Variants in FILIP1L observed in about 807,000 individuals in gnomAD.
The protein encoded by FILIP1L is filamin A-interacting protein 1-like.
A neutral mutation model predicts 96.6 loss-of-function variants in FILIP1L; 55 were observed. That is an observed-to-expected ratio of 0.57 (90% confidence interval 0.46 to 0.71). FILIP1L has a LOEUF of 0.71. Among genes scored for constraint, FILIP1L ranks in the 30% least tolerant of loss-of-function variants. FILIP1L has a pLI of 0.00. For synonymous variants in FILIP1L, 467 were observed against 473.9 expected, an observed-to-expected ratio of 0.99 and a Z score of 0.19; for missense variants, 1,304 against 1,321.2, an observed-to-expected ratio of 0.99 and a Z score of 0.20.
chr3:99,929,764 G>A (rs1032928391), intron 3 of FILIP1L, 92 bp downstream of exon 3: 8 of 909,712 alleles, frequency 8.8e-6, no homozygotes, highest in Non-Finnish European at 1.3e-5. Flanking sequence ...AAGTAAAACT[G>A]TAAGGAATCA....
intron 1 of FILIP1L, among the ~76,000 whole-genome samples, chr3:99,952,881 A>G (rs1271087991): frequency 6.6e-6 from 1 of 152,210 alleles, no homozygotes; most frequent in East Asian, 1.9e-4. Flanking sequence ...GCATAATGAA[A>G]AAAAGAATGC....
At chr3:100,081,985 A>G (rs775209908) in intron 1 of FILIP1L, among the ~76,000 whole-genome samples, 5 of 152,192 alleles carry the variant, frequency 3.3e-5, no homozygotes, top group Non-Finnish European at 5.9e-5. Flanking sequence ...GGTATGGCAT[A>G]TTTAGACTTT....
chr3:100,033,446 G>C (rs896672085), intron 1 of FILIP1L, among the ~76,000 whole-genome samples: 4 of 152,134 alleles, frequency 2.6e-5, no homozygotes, highest in Non-Finnish European at 5.9e-5. Flanking sequence ...AGAGCTTTGT[G>C]TTATCTTCTT....
At chr3:100,091,987 C>T (rs896278828) in intron 1 of FILIP1L, among the ~76,000 whole-genome samples, 1 of 152,150 alleles carries the variant, frequency 6.6e-6, no homozygotes, top group African/African-American at 2.4e-5. Flanking sequence ...TGTCCTAGGG[C>T]AAGTTGCTTG....
chr3:99,957,874 T>G (rs1340594040), intron 1 of FILIP1L, among the ~76,000 whole-genome samples: 1 of 151,046 alleles, frequency 6.6e-6, no homozygotes, highest in African/African-American at 2.4e-5. Flanking sequence ...TAATAACAGC[T>G]GAAATGTCAT....
intron 1 of FILIP1L, among the ~76,000 whole-genome samples, chr3:100,055,650 A>AT (rs531110946): frequency 4.3e-4 from 66 of 152,268 alleles, no homozygotes; most frequent in African/African-American, 1.5e-3. Context: ...TGATATGTGC[A>AT]TTTTCACATT....
intron 1 of FILIP1L, among the ~76,000 whole-genome samples, chr3:100,046,834 T>C (rs2065286103): frequency 6.6e-6 from 1 of 152,228 alleles, no homozygotes; most frequent in African/African-American, 2.4e-5. Context: ...TAGTAAGTGC[T>C]CAGTGAGTGG....
chr3:100,052,243 C>T (rs1256818929), intron 1 of FILIP1L, among the ~76,000 whole-genome samples: 3 of 152,180 alleles, frequency 2.0e-5, no homozygotes, highest in Non-Finnish European at 2.9e-5. Context: ...CTAATACACT[C>T]CATTGGAGTT....
At chr3:99,952,782 TAAG>T (rs1201845337) in intron 1 of FILIP1L, among the ~76,000 whole-genome samples, 2 of 152,298 alleles carry the variant, frequency 1.3e-5, no homozygotes, top group East Asian at 3.9e-4. Context: ...TGAATATTCC[TAAG>T]AAGAAACACA....
chr3:99,903,397 G>A (rs373818792), intron 4 of FILIP1L, among the ~76,000 whole-genome samples: 2 of 151,766 alleles, frequency 1.3e-5, no homozygotes, highest in East Asian at 1.9e-4. Context: ...GATTACAGGC[G>A]CCTGCCACCA....
At chr3:99,923,155 T>G (rs1707177317) in intron 4 of FILIP1L, among the ~76,000 whole-genome samples, 1 of 152,122 alleles carries the variant, frequency 6.6e-6, no homozygotes, top group African/African-American at 2.4e-5. Flanking sequence ...CAAGCCTTGA[T>G]GTATTCTAGG....
At chr3:99,854,783 G>A (rs1943877579) in intron 4 of FILIP1L, among the ~76,000 whole-genome samples, 1 of 152,140 alleles carries the variant, frequency 6.6e-6, no homozygotes, top group Admixed American at 6.6e-5. Flanking sequence ...AGACTCCATC[G>A]TTTTGCTTTA....
Position 99,848,457 on chromosome 3 carries a change from A to C in FILIP1L, c.3219T>G (p.Ala1073=). 1 of 1,614,174 alleles carries C rather than the reference A, an allele frequency of 6.2e-7. No homozygotes were observed. Among genetic ancestry groups the C allele is most frequent in the South Asian group, 1.1e-5 (1 of 91,078 alleles). Reference sequence around the variant, plus strand: ...TGGCAGGTCTCACAGGGCTGGCTACAGCTTGCATGTAAGGACTTCCTAAGT... The same window carrying C: ...TGGCAGGTCTCACAGGGCTGGCTACCGCTTGCATGTAAGGACTTCCTAAGT... The part of the protein sequence containing the change: ...HIHLGSPYMQ[A]VASPVRPASP... Residue 1073 remains alanine, a synonymous_variant, in exon 5 of 6, where the codon GCT becomes GCG. Coordinates refer to ENST00000477258, the MANE Select transcript of FILIP1L (RefSeq NM_001387850.1).
chr3:100,033,392 A>G (rs1317519768), intron 1 of FILIP1L, among the ~76,000 whole-genome samples: 5 of 152,212 alleles, frequency 3.3e-5, no homozygotes, highest in Non-Finnish European at 7.4e-5. Flanking sequence ...GAAGGCTTCC[A>G]TCAAACCCTC....
intron 4 of FILIP1L, among the ~76,000 whole-genome samples, chr3:99,901,127 A>G (rs1345504696): frequency 3.9e-5 from 6 of 152,242 alleles, no homozygotes; most frequent in Non-Finnish European, 8.8e-5. Context: ...ATTTAATACA[A>G]ATCAAGTAAG....
At chr3:99,888,519 C>T (rs2107611410) in intron 4 of FILIP1L, among the ~76,000 whole-genome samples, 1 of 152,234 alleles carries the variant, frequency 6.6e-6, no homozygotes, top group African/African-American at 2.4e-5. Context: ...ACAAAAGCAC[C>T]CCTGAATATT....
intron 1 of FILIP1L, among the ~76,000 whole-genome samples, chr3:100,035,301 T>A (rs369549527): frequency 2.0e-5 from 3 of 152,150 alleles, no homozygotes; most frequent in East Asian, 3.8e-4. Context: ...TGAGACACAG[T>A]CTCACTCTGT....
intron 1 of FILIP1L, among the ~76,000 whole-genome samples, chr3:99,989,001 T>C (rs1419656038): frequency 6.6e-6 from 1 of 152,216 alleles, no homozygotes; most frequent in Non-Finnish European, 1.5e-5. Flanking sequence ...AGGTACATTT[T>C]TTATGGACTT....
intron 1 of FILIP1L, among the ~76,000 whole-genome samples, chr3:100,096,247 A>G (rs2066205196): frequency 6.6e-6 from 1 of 152,100 alleles, no homozygotes; most frequent in Non-Finnish European, 1.5e-5. Flanking sequence ...TGATCCAGCA[A>G]TCCCACTACT....
Sources: allele counts gnomAD v4.1 joint callset (sites outside exome capture counted in the v4.1 genomes callset), GRCh38; gene constraint gnomAD v4.1.1; transcripts MANE v1.5; gene names NCBI Gene and HGNC (gene_info 2026-07-23, HGNC 2026-07-21).